Variants in PTPRT observed in about 807,000 individuals in gnomAD.
PTPRT encodes protein tyrosine phosphatase receptor type T, also known as receptor-type tyrosine-protein phosphatase T.
In PTPRT, 56 loss-of-function variants were observed where a neutral mutation model predicts 176.8. The observed-to-expected ratio is 0.32, with a 90% confidence interval of 0.26 to 0.40. The LOEUF is 0.40. Among genes scored for constraint, PTPRT ranks in the 10% least tolerant of loss-of-function variants. The pLI is 1.00. For synonymous variants in PTPRT, 783 were observed against 739.0 expected (o/e 1.06, Z -0.96); for missense variants, 1,540 against 1,908.2 (o/e 0.81, Z 3.60).
chr20:42,652,238 G>A (rs1321115603), intron 7 of PTPRT, among the ~76,000 whole-genome samples: 1 of 152,136 alleles, frequency 6.6e-6, no homozygotes. Flanking sequence ...TACTTGGAGA[G>A]ATTCCTTTAA....
At chr20:42,121,618 A>G (rs947637757) in intron 19 of PTPRT, among the ~76,000 whole-genome samples, 29 of 152,110 alleles carry the variant, frequency 1.9e-4, no homozygotes, top group African/African-American at 7.0e-4. Flanking sequence ...ATTGTGCCTC[A>G]GTTTTAAAAT....
the PTPRT span, among the ~76,000 whole-genome samples, chr20:42,032,748 C>A: frequency 4.6e-5 from 7 of 152,136 alleles, no homozygotes. Flanking sequence ...CTTGCTCTTG[C>A]TCTCTCTCCT....
intron 13 of PTPRT, among the ~76,000 whole-genome samples, chr20:42,274,724 C>A (rs2056999970): frequency 6.6e-6 from 1 of 152,024 alleles, no homozygotes; most frequent in South Asian, 2.1e-4. Context: ...AGCAGACAAC[C>A]CTGAAGACTA....
At chr20:42,048,268 G>C in the PTPRT span, among the ~76,000 whole-genome samples, 1 of 152,216 alleles carries the variant, frequency 6.6e-6, no homozygotes, top group Non-Finnish European at 1.5e-5. Context: ...TGCAGGCTCA[G>C]AAGCTGGCTC....
chr20:42,996,114 C>A (rs1984207889), intron 1 of PTPRT, among the ~76,000 whole-genome samples: 2 of 152,170 alleles, frequency 1.3e-5, no homozygotes, highest in African/African-American at 4.8e-5. Flanking sequence ...AAGGTGACAA[C>A]CTGATTGCCA....
chr20:42,608,039 C>T (rs1447431158), intron 7 of PTPRT, among the ~76,000 whole-genome samples: 3 of 152,144 alleles, frequency 2.0e-5, no homozygotes, highest in African/African-American at 7.2e-5. Flanking sequence ...GTACTATCTC[C>T]ACTCATTTTA....
intron 1 of PTPRT, among the ~76,000 whole-genome samples, chr20:42,899,246 C>G (rs1020947049): frequency 6.6e-6 from 1 of 152,246 alleles, no homozygotes; most frequent in African/African-American, 2.4e-5. Flanking sequence ...AACAGATGGC[C>G]ATGGGTCATC....
intron 1 of PTPRT, among the ~76,000 whole-genome samples, chr20:42,976,720 G>A (rs769081523): frequency 4.6e-5 from 7 of 152,068 alleles, no homozygotes; most frequent in Non-Finnish European, 8.8e-5. Flanking sequence ...TTATTATTAT[G>A]GAATACTATA....
intron 6 of PTPRT, among the ~76,000 whole-genome samples, chr20:42,681,163 C>A (rs2075596746): frequency 6.6e-6 from 1 of 152,150 alleles, no homozygotes; most frequent in Admixed American, 6.5e-5. Flanking sequence ...AATACATAGA[C>A]AAACCCTATC....
intron 11 of PTPRT, among the ~76,000 whole-genome samples, chr20:42,338,097 G>A (rs763994503): frequency 5.9e-5 from 9 of 152,154 alleles, no homozygotes; most frequent in African/African-American, 1.2e-4. Flanking sequence ...TTATGCATTC[G>A]TTATGGAGGA....
At chr20:42,094,891 A>C (rs1438797366) in intron 27 of PTPRT, among the ~76,000 whole-genome samples, 1 of 152,150 alleles carries the variant, frequency 6.6e-6, no homozygotes, top group African/African-American at 2.4e-5. Context: ...CAAAATAAAA[A>C]TTCTTTTGTA....
chr20:42,236,402 T>C, intron 14 of PTPRT, 144 bp from the exon 15 acceptor site: 1 of 670,616 alleles, frequency 1.5e-6, no homozygotes, highest in Non-Finnish European at 2.6e-6. Context: ...CTCAAGGAGA[T>C]GCAAGTTCCT....
chr20:42,791,063 G>A, intron 3 of PTPRT, 132 bp downstream of exon 3: 2 of 1,162,792 alleles, frequency 1.7e-6, no homozygotes, highest in East Asian at 2.4e-5. Context: ...GCAGAGCTTG[G>A]CTAGGAGGAG....
chr20:42,396,676 C>T (rs554768449), intron 9 of PTPRT, among the ~76,000 whole-genome samples: 8 of 152,214 alleles, frequency 5.3e-5, no homozygotes, highest in Non-Finnish European at 1.0e-4. Context: ...ATTCTCCTGC[C>T]TCAGCCTCCT....
intron 7 of PTPRT, among the ~76,000 whole-genome samples, chr20:42,486,603 G>A (rs1196322743): frequency 1.3e-5 from 2 of 152,104 alleles, no homozygotes; most frequent in Admixed American, 6.6e-5. Context: ...CCATAGTGCT[G>A]TATAACAAAT....
At chr20:42,970,198 G>A (rs1036912853) in intron 1 of PTPRT, among the ~76,000 whole-genome samples, 2 of 152,196 alleles carry the variant, frequency 1.3e-5, no homozygotes, top group African/African-American at 4.8e-5. Flanking sequence ...CGAGGTACAA[G>A]GCAATCCCCA....
chr20:42,067,612 A>G, the PTPRT span, among the ~76,000 whole-genome samples: 1 of 152,178 alleles, frequency 6.6e-6, no homozygotes, highest in Non-Finnish European at 1.5e-5. Flanking sequence ...TTTTCAACAA[A>G]AATATGAGAT....
At chr20:42,876,943 C>T (rs987473425) in intron 2 of PTPRT, among the ~76,000 whole-genome samples, 1 of 151,934 alleles carries the variant, frequency 6.6e-6, no homozygotes, top group Non-Finnish European at 1.5e-5. Flanking sequence ...ACATTTGTGC[C>T]GGGGTTTGAT....
At chr20:42,384,553 A>C (rs1009346669) in intron 9 of PTPRT, among the ~76,000 whole-genome samples, 1 of 152,204 alleles carries the variant, frequency 6.6e-6, no homozygotes, top group Admixed American at 6.5e-5. Flanking sequence ...ATTGTAAATC[A>C]TGTTGCAATG....
Sources: gnomAD v4.1 joint callset for allele counts (sites outside exome capture counted in the v4.1 genomes callset) on GRCh38, gnomAD v4.1.1 for gene constraint, MANE v1.5 for transcripts, NCBI Gene and HGNC (gene_info 2026-07-23, HGNC 2026-07-21) for gene names.